Variants in FAM178B observed in about 807,000 individuals in gnomAD.
FAM178B encodes protein FAM178B.
In FAM178B, 82 loss-of-function variants were observed where a neutral mutation model predicts 91.7. The ratio of observed to expected loss-of-function variants is 0.89; its 90% CI spans 0.75 to 1.07. The LOEUF is 1.07. FAM178B is among the 50% of genes least tolerant of loss of function. FAM178B has a pLI of 0.00. For missense variants in FAM178B, 769 were observed against 846.7 expected, an observed-to-expected ratio of 0.91 and a Z score of 1.14; for synonymous variants, 368 against 359.4, an observed-to-expected ratio of 1.02 and a Z score of -0.27.
At chr2:96,969,202 G>A (rs1046998413) in intron 4 of FAM178B, among the ~76,000 whole-genome samples, 7 of 152,220 alleles carry the variant, frequency 4.6e-5, no homozygotes, top group African/African-American at 7.2e-5. Flanking sequence ...AGCACACAGC[G>A]TCCTATGGAC....
chr2:96,903,282 G>A (rs192860998), intron 12 of FAM178B, among the ~76,000 whole-genome samples: 3 of 152,250 alleles, frequency 2.0e-5, no homozygotes, highest in East Asian at 1.9e-4. Flanking sequence ...CTCGTGATCC[G>A]CTCGCTTCAG....
At chr2:96,972,681 AGAG>A in intron 1 of FAM178B, 75 bp from the exon 2 acceptor site, 2 of 1,406,846 alleles carry the variant, frequency 1.4e-6, no homozygotes, top group Non-Finnish European at 1.9e-6. Flanking sequence ...TGATTCCCAC[AGAG>A]GAGGGCCTGG....
rs575369496 is a variant in FAM178B at position 96,963,625 on chromosome 2, G to A, written c.735-3185C>T. 4.6e-5 allele frequency among the ~76,000 whole-genome samples: 7 copies of A among 152,284 alleles called. No homozygotes were observed. The South Asian group carries it at 1.2e-3, about 27-fold the overall frequency. On this transcript the variant is annotated intron_variant, in intron 5 of 16. Transcript: ENST00000490605. ...TCCTAAACTTTCACCATAAAAACTG[G>A]CACCAGTCAGGAGGCAGGGGTCCTT...
chr2:96,876,991 G>T (rs2080258864), intron 16 of FAM178B, among the ~76,000 whole-genome samples: 1 of 152,176 alleles, frequency 6.6e-6, no homozygotes, highest in Non-Finnish European at 1.5e-5. Context: ...CTGCGTGATG[G>T]GGGGCAAGCC....
At chr2:96,884,999 G>A (rs548623840) in intron 14 of FAM178B, among the ~76,000 whole-genome samples, 2 of 152,360 alleles carry the variant, frequency 1.3e-5, no homozygotes, top group East Asian at 3.9e-4. Context: ...AGGGCCAAGA[G>A]GCCAGAGAGC....
chr2:96,904,038 C>T (rs899394341), intron 12 of FAM178B, among the ~76,000 whole-genome samples: 4 of 152,144 alleles, frequency 2.6e-5, no homozygotes, highest in African/African-American at 9.7e-5. Flanking sequence ...GGGTTATGGG[C>T]ACTCACACAC....
At chr2:96,973,070 G>A (rs559563288) in intron 1 of FAM178B, among the ~76,000 whole-genome samples, 20 of 151,924 alleles carry the variant, frequency 1.3e-4, no homozygotes, top group African/African-American at 3.1e-4. Flanking sequence ...TTAGCCGGGC[G>A]TGGCGGCGTG....
chr2:96,923,713 G>A, intron 9 of FAM178B, 130 bp from the exon 10 acceptor site: 2 of 683,070 alleles, frequency 2.9e-6, no homozygotes, highest in South Asian at 3.4e-5. Context: ...CTTCCACACA[G>A]ATGATCTCAT....
intron 6 of FAM178B, chr2:96,951,794 G>A (rs1302824106): frequency 7.6e-6 from 2 of 262,550 alleles, no homozygotes; most frequent in South Asian, 4.2e-5. Context: ...AGGCAAAGGC[G>A]GGTAGATCAC....
chr2:96,952,624 A>G (rs747182641), intron 6 of FAM178B, among the ~76,000 whole-genome samples: 8 of 152,186 alleles, frequency 5.3e-5, no homozygotes, highest in Non-Finnish European at 1.0e-4. Flanking sequence ...CCTCTGGTAG[A>G]AGGTGCTTCA....
At chr2:96,977,689 C>T (rs1021978671) in intron 1 of FAM178B, 6 of 377,960 alleles carry the variant, frequency 1.6e-5, no homozygotes, top group Non-Finnish European at 2.6e-5. Context: ...AAAGGCTGCA[C>T]GCAATGGGGG....
intron 6 of FAM178B, among the ~76,000 whole-genome samples, chr2:96,959,199 G>GGAAAAAAAAAAA (rs1273953141): frequency 4.9e-5 from 4 of 82,132 alleles, no homozygotes; most frequent in African/African-American, 1.3e-4. Context: ...ACTCAGTTTT[G>GGAAAAAAAAAAA]AAAAAAAAAA....
At chr2:96,886,613 G>C (rs1194575168) in intron 14 of FAM178B, among the ~76,000 whole-genome samples, 1 of 152,226 alleles carries the variant, frequency 6.6e-6, no homozygotes, top group African/African-American at 2.4e-5. Flanking sequence ...CTGTCCCAGG[G>C]CTTTCCAGGA....
chr2:96,905,860 ATTT>A (rs1161397180), intron 12 of FAM178B, among the ~76,000 whole-genome samples: 1,299 of 23,210 alleles, frequency 0.056, 79 homozygotes, highest in Middle Eastern at 0.15. Context: ...ATATATATAT[ATTT>A]TTTTTTTTTT....
At chr2:96,922,593 AC>A (rs2153370986) in intron 10 of FAM178B, among the ~76,000 whole-genome samples, 1 of 152,258 alleles carries the variant, frequency 6.6e-6, no homozygotes, top group African/African-American at 2.4e-5. Flanking sequence ...CAGGTGATTC[AC>A]CCACGTTGGC....
At chr2:96,950,259 C>G in intron 7 of FAM178B, 3 of 807,890 alleles carry the variant, frequency 3.7e-6, no homozygotes, top group Non-Finnish European at 4.5e-6. Context: ...GCTGCACCGC[C>G]AGCGTGGGGA....
At chr2:96,967,488 T>G in intron 5 of FAM178B, 32 bp downstream of exon 5, 1 of 1,416,568 alleles carries the variant, frequency 7.1e-7, no homozygotes, top group Non-Finnish European at 9.7e-7. Flanking sequence ...TCTTTCCCCT[T>G]CGGAGGCTGG....
intron 16 of FAM178B, chr2:96,877,675 G>A (rs182393902): frequency 3.5e-5 from 20 of 571,134 alleles, no homozygotes; most frequent in African/African-American, 1.3e-4. Flanking sequence ...GATTACAGGC[G>A]TGAGCTACCA....
At chr2:96,924,981 G>A (rs548612007) in intron 9 of FAM178B, among the ~76,000 whole-genome samples, 1 of 152,184 alleles carries the variant, frequency 6.6e-6, no homozygotes, top group East Asian at 1.9e-4. Context: ...ACCAAACTTG[G>A]TGGGGGAGTG....
Sources: gnomAD v4.1 joint callset for allele counts (sites outside exome capture counted in the v4.1 genomes callset) on GRCh38, gnomAD v4.1.1 for gene constraint, MANE v1.5 for transcripts, NCBI Gene and HGNC (gene_info 2026-07-23, HGNC 2026-07-21) for gene names.